Variants in NDUFA10 observed in about 807,000 individuals in gnomAD.
NDUFA10 encodes NADH:ubiquinone oxidoreductase subunit A10.
A neutral mutation model predicts 47.8 loss-of-function variants in NDUFA10; 40 were observed. That is an observed-to-expected ratio of 0.84 (90% CI 0.65 to 1.09). The LOEUF (loss-of-function observed/expected upper bound fraction) is 1.09, where lower values mean the gene tolerates loss of function less well. Ranked by LOEUF, NDUFA10 falls within the 50% of genes least tolerant of loss-of-function variation. The pLI is 0.00. For missense variants in NDUFA10, 413 were observed against 451.1 expected (o/e 0.92, Z 0.76); for synonymous variants, 183 against 172.2 (o/e 1.06, Z -0.49).
rs188254473 is a variant in NDUFA10, at chr2:239,905,514, A to T, written c.295-10200T>A. Among the ~76,000 whole-genome samples the T allele has an allele frequency of 2.6e-4, 39 of 152,348 alleles. No individual in the cohort carries two copies. In the East Asian group the frequency reaches 6.4e-3, roughly 25 times the overall value. On this transcript the variant is annotated intron_variant, in intron 4 of 5. Coordinates refer to the NDUFA10 transcript ENST00000419408. ...GCGTCTACACGCGTGTGAGGCCAAC[A>T]GCACCTGCTGTCGGTTCTGCACTGA...
intron 6 of NDUFA10, among the ~76,000 whole-genome samples, chr2:240,009,841 T>G (rs1435214349): frequency 6.6e-6 from 1 of 152,192 alleles, no homozygotes; most frequent in South Asian, 2.1e-4. Context: ...TAACCTAAGA[T>G]CTAACAATAA....
chr2:239,961,063 C>A lies in NDUFA10; in HGVS notation c.*55G>T, dbSNP rs373357333. The A allele has an allele frequency of 8.1e-6, 13 of 1,611,926 alleles. No homozygotes were observed. Among genetic ancestry groups the A allele is most frequent in the Admixed American group, 3.3e-5 (2 of 59,864 alleles). On this transcript the variant is annotated 3_prime_UTR_variant, in exon 10 of 10. Coordinates refer to ENST00000252711, the MANE Select transcript of NDUFA10 (RefSeq NM_004544.4). ...AAGCTATATGGCGTCCAGGAGAGTG[C>A]GGCTGATGCAGCTTGGCCATCACTG...
chr2:239,967,620 C>T (rs1002886811), intron 9 of NDUFA10, among the ~76,000 whole-genome samples: 4 of 152,234 alleles, frequency 2.6e-5, no homozygotes, highest in African/African-American at 4.8e-5. Context: ...CCCACAGGTA[C>T]GAGGTCCTGT....
intron 9 of NDUFA10, chr2:239,973,610 G>C (rs1227389211): frequency 2.1e-6 from 1 of 470,942 alleles, no homozygotes. Flanking sequence ...GCTTCAAGGA[G>C]GGAGCACAGT....
chr2:240,018,048 T>C, intron 4 of NDUFA10: 1 of 699,894 alleles, frequency 1.4e-6, no homozygotes, highest in Non-Finnish European at 2.4e-6. Context: ...TTTGTTCCTT[T>C]CCATTTGCCA....
chr2:239,914,288 GACAC>G (rs1023164391), intron 4 of NDUFA10, among the ~76,000 whole-genome samples: 28 of 144,016 alleles, frequency 1.9e-4, no homozygotes, highest in African/African-American at 7.0e-4. Flanking sequence ...CACAAATATA[GACAC>G]ACAGAGATAC....
chr2:239,977,527 C>T (rs891031592), intron 9 of NDUFA10, among the ~76,000 whole-genome samples: 1 of 152,174 alleles, frequency 6.6e-6, no homozygotes, highest in Non-Finnish European at 1.5e-5. Flanking sequence ...TCTGACTCCA[C>T]GAGTGCTCCA....
intron 6 of NDUFA10, among the ~76,000 whole-genome samples, chr2:240,009,634 G>A (rs965879658): frequency 3.3e-5 from 5 of 152,342 alleles, no homozygotes; most frequent in South Asian, 2.1e-4. Context: ...GTATCAGCAC[G>A]TGACAGAGAG....
rs956250469 is a variant in NDUFA10 at position 239,945,008 on chromosome 2, G to A, written c.294+45066C>T. Among the ~76,000 whole-genome samples, 1 of 120,268 alleles carries A rather than the reference G, an allele frequency of 8.3e-6. No homozygotes were observed. The highest frequency in any genetic ancestry group is 3.6e-4 in the East Asian group (1 of 2,806). The allele number at this position is 120,268 out of a possible 152,430, so 78.9% of individuals were successfully genotyped here. ...GGGGGTGACTTCCCAGGGGGCCTGT[G>A]GAGGCTGCTTCTTTATTGCAAGGTG... On this transcript the variant is annotated intron_variant, in intron 4 of 5. Transcript: ENST00000419408. The surrounding 1 kb of genome is among the most constrained non-coding windows in gnomAD (Gnocchi z 4.6).
intron 4 of NDUFA10, among the ~76,000 whole-genome samples, chr2:239,902,916 T>A (rs72999742): frequency 6.6e-6 from 1 of 152,244 alleles, no homozygotes; most frequent in Non-Finnish European, 1.5e-5. Context: ...TGATTTTAAT[T>A]AAAACGAAGA....
intron 9 of NDUFA10, among the ~76,000 whole-genome samples, chr2:239,968,719 T>C (rs1276764809): frequency 1.3e-5 from 2 of 152,146 alleles, no homozygotes; most frequent in African/African-American, 4.8e-5. Flanking sequence ...CATCAGTGTG[T>C]GCAGGGGGTA....
rs1693665948 is a variant in NDUFA10 at position 239,906,928 on chromosome 2, C to G, written c.295-11614G>C. Among the ~76,000 whole-genome samples, 1 of 152,040 alleles carries G rather than the reference C, an allele frequency of 6.6e-6. No homozygotes were observed. Among genetic ancestry groups the G allele is most frequent in the Non-Finnish European group, 1.5e-5 (1 of 68,000 alleles). ...AACTACTTTAAAGTTCTTATGGAAC[C>G]AAAAAAGAGCCCACATTGCCAAGTC... is the stretch of plus-strand genomic sequence containing the variant. On this transcript the variant is annotated intron_variant, in intron 4 of 5. Transcript: ENST00000419408. This position sits in a 1 kb window ranked among gnomAD's most constrained non-coding sequence, Gnocchi z 4.3.
rs534092517 is a variant in NDUFA10 at position 239,963,871 on chromosome 2, G to A, written c.1000-2685C>T. 2.6e-5 allele frequency among the ~76,000 whole-genome samples: 4 copies of A among 152,182 alleles called. No homozygotes were observed. In the East Asian group the frequency reaches 5.8e-4, roughly 22 times the overall value. On this transcript the variant is annotated intron_variant, in intron 9 of 9. Transcript: ENST00000252711. ...TGAGGAGTGAGGCACACAGGCCACC[G>A]GAGGAGCTGGGTGTGACCACGCGTG...
chr2:239,942,033 T>C (rs1694368314), intron 4 of NDUFA10, among the ~76,000 whole-genome samples: 1 of 152,262 alleles, frequency 6.6e-6, no homozygotes, highest in African/African-American at 2.4e-5. Flanking sequence ...GGATTCTGCA[T>C]ATTGAAAGAT....
intron 9 of NDUFA10, among the ~76,000 whole-genome samples, chr2:239,971,215 C>G (rs1262453687): frequency 6.6e-6 from 1 of 152,244 alleles, no homozygotes; most frequent in Non-Finnish European, 1.5e-5. Flanking sequence ...GTAGATATAT[C>G]TCAGGAAATG....
At chr2:240,021,433 A>T (rs760843545) in intron 2 of NDUFA10, 21 bp from the exon 3 acceptor site, 1 of 1,599,836 alleles carries the variant, frequency 6.3e-7, no homozygotes, top group South Asian at 1.1e-5. Flanking sequence ...AAACAGTCGG[A>T]TGCAGTCTGA....
intron 4 of NDUFA10, among the ~76,000 whole-genome samples, chr2:239,944,235 G>C (rs1488605800): frequency 6.6e-6 from 1 of 152,264 alleles, no homozygotes; most frequent in African/African-American, 2.4e-5. Context: ...GAAAGGACCT[G>C]GGGCCAGCCT....
intron 5 of NDUFA10, among the ~76,000 whole-genome samples, chr2:239,893,286 G>A (rs1304263954): frequency 6.6e-6 from 1 of 152,154 alleles, no homozygotes; most frequent in Admixed American, 6.5e-5. Context: ...TATGTGCACA[G>A]AAGGGCTCTG....
At chr2:240,003,130 G>T (rs948349303) in intron 8 of NDUFA10, among the ~76,000 whole-genome samples, 2 of 152,188 alleles carry the variant, frequency 1.3e-5, no homozygotes, top group Non-Finnish European at 2.9e-5. Flanking sequence ...GTTTACAGAC[G>T]TGAACGCTGC....
Sources: gnomAD v4.1 joint callset for allele counts (sites outside exome capture counted in the v4.1 genomes callset) on GRCh38, gnomAD v4.1.1 for gene constraint, Gnocchi (gnomAD v3.1) non-coding constraint, MANE v1.5 for transcripts, NCBI Gene and HGNC (gene_info 2026-07-23, HGNC 2026-07-21) for gene names.